The following TBL3 variants were observed in gnomAD, a reference collection of about 807,000 sequenced individuals.
TBL3 encodes transducin beta like 3.
In TBL3, 71 loss-of-function variants were observed where a neutral mutation model predicts 102.7. That is an observed-to-expected ratio of 0.69 (90% CI 0.57 to 0.84). TBL3 has a LOEUF of 0.84. Among genes scored for constraint, TBL3 ranks in the 40% least tolerant of loss-of-function variants. TBL3 has a pLI of 0.00. For missense variants in TBL3, 1,188 were observed against 1,098.5 expected (o/e 1.08, Z -1.15); for synonymous variants, 578 against 477.7 (o/e 1.21, Z -2.74).
Position 1,979,011 on chromosome 16 carries a change from C to G in TBL3, c.*326C>G, listed in dbSNP as rs1252639856. 1.3e-6 allele frequency: 2 copies of G among 1,513,698 alleles called. No homozygotes were observed. Among genetic ancestry groups the G allele is most frequent in the Admixed American group, 4.4e-5 (2 of 45,090 alleles). The allele number at this position is 1,513,698 out of a possible 1,614,324, so 93.8% of individuals were successfully genotyped here. A position where few individuals can be genotyped will look rare whatever the true frequency, so the allele number is the denominator to read the frequency against. ...CCGCCCTCCCCGCTCCTCCCCAGCC[C>G]TGGGATGGCGCGGTCCATCCCCTCA... On this transcript the variant is annotated 3_prime_UTR_variant, in exon 22 of 22. Transcript: ENST00000568546.
chr16:1,977,515 G>A lies in TBL3; in HGVS notation c.1744G>A (p.Gly582Ser), dbSNP rs111994180. The change falls in exon 17 of 22, where the codon GGT (glycine) becomes AGT (serine). Residue 582 changes from glycine to serine, a missense_variant and splice_region_variant. Transcript: ENST00000568546. ...VSRGTQLLSS[G>S]SDGLVKLWTI... ...AGCCTCTCCCCACCCCAAACCCAGC[G>A]GTTCGGATGGCCTCGTGAAGCTCTG... The A allele has an allele frequency of 1.4e-5, 22 of 1,608,030 alleles. No homozygotes were observed. The highest frequency in any genetic ancestry group is 1.2e-4 in the African/African-American group (9 of 74,930).
In TBL3 at chr16:1,972,058, G is replaced by A. The variant is rs537527645; in HGVS notation, c.-107G>A. On this transcript the variant is annotated 5_prime_UTR_variant, in exon 1 of 22. Transcript: ENST00000568546. The stretch of plus-strand genomic sequence containing the variant: ...TCGCGCGCGGTGACGCCATCGCAGC[G>A]CGCCGGGAGTGTGGCGTTCTGTGAA... The A allele has an allele frequency of 2.6e-5, 33 of 1,271,762 alleles. No homozygotes were observed. Among genetic ancestry groups the A allele is most frequent in the Middle Eastern group, 2.0e-4 (1 of 5,004 alleles). 78.8% of individuals were successfully genotyped at this position (1,271,762 alleles called of 1,614,324 possible). A position where few individuals can be genotyped will look rare whatever the true frequency, so the allele number is the denominator to read the frequency against.
chr16:1,974,317 G>C, intron 3 of TBL3, 25 bp downstream of exon 3: 2 of 1,583,448 alleles, frequency 1.3e-6, no homozygotes, highest in Non-Finnish European at 1.7e-6. Context: ...GGTGGGTGAG[G>C]GGCAAGTGGA....
At position 1,979,409 on chromosome 16, in the gene TBL3, G is replaced by T. The variant is rs1567329065; in HGVS notation, c.*724G>T. ...GCCTCGGCTAGCCTGCCCTGCCCAC[G>T]CCCGCTCCCGCGTACCTGCATAGCC... On this transcript the variant is annotated 3_prime_UTR_variant, in exon 22 of 22. Coordinates refer to ENST00000568546, the MANE Select transcript of TBL3 (RefSeq NM_006453.3). 1 of 1,603,098 alleles carries T rather than the reference G, an allele frequency of 6.2e-7. No individual in the cohort carries two copies. Among genetic ancestry groups the T allele is most frequent in the South Asian group, 1.1e-5 (1 of 90,646 alleles).
Position 1,977,182 on chromosome 16 carries a change from C to T in TBL3, c.1569C>T (p.Gly523=). The T allele has an allele frequency of 2.5e-6, 4 of 1,613,168 alleles. No individual in the cohort carries two copies. Among genetic ancestry groups the T allele is most frequent in the Non-Finnish European group, 3.4e-6 (4 of 1,179,994 alleles). The change falls in exon 15 of 22, where the codon GGC becomes GGT. Residue 523 remains glycine (G), a synonymous_variant. Coordinates refer to ENST00000568546, the MANE Select transcript of TBL3 (RefSeq NM_006453.3). Reference sequence around the variant, plus strand: ...GTGTCTTCTCAGGCCACCGGCGTGGCCTCTGGTGCGTCCAGTTCTCTCCCA... The same window carrying T: ...GTGTCTTCTCAGGCCACCGGCGTGGTCTCTGGTGCGTCCAGTTCTCTCCCA... ...LLGVFSGHRR[G]LWCVQFSPMD...
At position 1,978,163 on chromosome 16, in the gene TBL3, C is replaced by T; in HGVS notation, c.2077C>T (p.Pro693Ser). The part of the protein sequence containing the change: ...LTVIQAIRRD[P>S]EACEKLEATM... ...TTCTCCCACAGCCATCCGGAGGGAC[C>T]CTGAGGCCTGCGAGAAGCTGGAAGC... The change falls in exon 20 of 22, where the codon CCT (proline) becomes TCT (serine). Residue 693 changes from proline to serine, a missense_variant. Transcript: ENST00000568546. 6.2e-7 allele frequency: 1 copy of T among 1,612,754 alleles called. No homozygotes were observed. Among genetic ancestry groups the T allele is most frequent in the Non-Finnish European group, 8.5e-7 (1 of 1,179,866 alleles).
At position 1,981,565 on chromosome 16, in the gene TBL3, G is replaced by A. The variant is rs903858336; in HGVS notation, c.*2880G>A. 1 of 265,888 alleles carries A rather than the reference G, an allele frequency of 3.8e-6. No homozygotes were observed. The highest frequency in any genetic ancestry group is 5.6e-5 in the South Asian group (1 of 17,760). 16.5% of individuals were successfully genotyped at this position (265,888 alleles called of 1,614,324 possible). A position where few individuals can be genotyped will look rare whatever the true frequency, so the allele number is the denominator to read the frequency against. On this transcript the variant is annotated 3_prime_UTR_variant, in exon 22 of 22. Transcript: ENST00000568546. ...GGAGGAGAAGGCAGGGCTAATCAAA[G>A]CGCCACCTGTCCTGCCCACCTCTCT... is the stretch of plus-strand genomic sequence containing the variant.
rs1249851534 is a variant in TBL3 at position 1,979,673 on chromosome 16, C to A, written c.*988C>A. 1.7e-6 allele frequency: 2 copies of A among 1,180,304 alleles called. No individual in the cohort carries two copies. The highest frequency in any genetic ancestry group is 2.4e-6 in the Non-Finnish European group (2 of 845,268). 73.1% of individuals were successfully genotyped at this position (1,180,304 alleles called of 1,614,324 possible). On this transcript the variant is annotated 3_prime_UTR_variant, in exon 22 of 22. Coordinates refer to ENST00000568546, the MANE Select transcript of TBL3 (RefSeq NM_006453.3). Reference sequence around the variant, plus strand: ...CTCTAAGACCGGTTCGGGGCTTCCTCTAGGTGCGGAGACCAAGCACGGGCT... The same window carrying A: ...CTCTAAGACCGGTTCGGGGCTTCCTATAGGTGCGGAGACCAAGCACGGGCT...
rs1229618693 is a variant in TBL3 at position 1,979,456 on chromosome 16, C to T, written c.*771C>T. ...AGCCACCAGCCGCGGTCTGACGTTT[C>T]CAACACGCGCACGCGCGCCCCCGCG... On this transcript the variant is annotated 3_prime_UTR_variant, in exon 22 of 22. Transcript: ENST00000568546. The T allele has an allele frequency of 6.2e-7, 1 of 1,611,216 alleles. No homozygotes were observed. The highest frequency in any genetic ancestry group is 1.1e-5 in the South Asian group (1 of 90,946).
In TBL3 at chr16:1,981,354, C is replaced by T; in HGVS notation, c.*2669C>T. 1 of 1,426,500 alleles carries T rather than the reference C, an allele frequency of 7.0e-7. No homozygotes were observed. Among genetic ancestry groups the T allele is most frequent in the Non-Finnish European group, 9.2e-7 (1 of 1,091,112 alleles). 88.4% of individuals were successfully genotyped at this position (1,426,500 alleles called of 1,614,324 possible). A position where few individuals can be genotyped will look rare whatever the true frequency, so the allele number is the denominator to read the frequency against. On this transcript the variant is annotated 3_prime_UTR_variant, in exon 22 of 22. Coordinates refer to ENST00000568546, the MANE Select transcript of TBL3 (RefSeq NM_006453.3). ...AGCTGAGTCCTTTGCAGCTTTCTTG[C>T]TGTCCCCCAAGCCCACGATCTGGGG...
chr16:1,981,140 C>G lies in TBL3; in HGVS notation c.*2455C>G. ...TGGAGCCTCTTGATCTGCACCAGGG[C>G]TGCCCCTTGCACTGAAACTGGGTAT... is the stretch of plus-strand genomic sequence containing the variant. On this transcript the variant is annotated 3_prime_UTR_variant, in exon 22 of 22. Transcript: ENST00000568546. The G allele has an allele frequency of 2.5e-6, 4 of 1,613,568 alleles. No individual in the cohort carries two copies. The highest frequency in any genetic ancestry group is 3.4e-6 in the Non-Finnish European group (4 of 1,179,994).
chr16:1,978,523 C>A (rs1260263424), intron 21 of TBL3, 29 bp from the exon 22 acceptor site: 9 of 1,590,868 alleles, frequency 5.7e-6, no homozygotes, highest in African/African-American at 1.3e-5. Flanking sequence ...TGTGGACCAC[C>A]CCCCTGACCT....
At chr16:1,975,479 G>A (rs757955793) in intron 9 of TBL3, 41 bp downstream of exon 9, 29 of 1,607,340 alleles carry the variant, frequency 1.8e-5, no homozygotes, top group Non-Finnish European at 2.4e-5. Context: ...AGGGGCTGGG[G>A]AAGGCCTGTG....
intron 13 of TBL3, 52 bp downstream of exon 13, chr16:1,976,366 C>A: frequency 6.6e-7 from 1 of 1,519,898 alleles, no homozygotes; most frequent in Non-Finnish European, 9.0e-7. Context: ...AGGCCCAGGC[C>A]TGCCAGCAGG....
At position 1,974,201 on chromosome 16, in the gene TBL3, A is replaced by C. The variant is rs763063243; in HGVS notation, c.98A>C (p.Asp33Ala). The change falls in exon 3 of 22, where the codon GAC (aspartate) becomes GCC (alanine). Residue 33 changes from aspartate to alanine, a missense_variant. Transcript: ENST00000568546. ...PFYKGGKAQL[D>A]QTGQHLFCVC... The stretch of plus-strand genomic sequence containing the variant: ...CTGAGACCTCTCTGTCCCCAGCTGG[A>C]CCAGACTGGCCAGCACCTCTTCTGC... 2.5e-6 allele frequency: 4 copies of C among 1,587,552 alleles called. No individual in the cohort carries two copies. Among genetic ancestry groups the C allele is most frequent in the Non-Finnish European group, 3.4e-6 (4 of 1,164,946 alleles).
At position 1,978,580 on chromosome 16, in the gene TBL3, C is replaced by T. The variant is rs766141600; in HGVS notation, c.2322C>T (p.Thr774=). 18 of 1,612,232 alleles carry T rather than the reference C, an allele frequency of 1.1e-5. No individual in the cohort carries two copies. The East Asian group carries it at 3.1e-4, about 28-fold the overall frequency. ...GGCACTTTCAGCGGCTCAGCAGGAC[C>T]CTCCAGGCCGCCGCTTTCTTGGACT... ...TERHFQRLSR[T]LQAAAFLDFL... is the part of the protein sequence containing the mutation. Residue 774 remains threonine (T), a synonymous_variant, in exon 22 of 22, where the codon ACC becomes ACT. Transcript: ENST00000568546.
Position 1,974,837 on chromosome 16 carries a change from G to T in TBL3, c.454G>T (p.Gly152Cys). Residue 152 changes from glycine to cysteine, a missense_variant, in exon 6 of 22, where the codon GGT becomes TGT. Physicochemically the swap from Gly to Cys is radical, Grantham distance 159. Transcript: ENST00000568546. ...YGTHHFRGSP[G>C]VVHLVAFHPD... The stretch of plus-strand genomic sequence containing the variant: ...GACACACCACTTCCGAGGCTCGCCC[G>T]GTGTCGTGCAGTGAGTTGGAAGGTG... 6.2e-7 allele frequency: 1 copy of T among 1,613,200 alleles called. No individual in the cohort carries two copies. The highest frequency in any genetic ancestry group is 8.5e-7 in the Non-Finnish European group (1 of 1,179,972).
chr16:1,975,444 T>C lies in TBL3; in HGVS notation c.805+6T>C, dbSNP rs1429675099. 6 of 1,613,338 alleles carry C rather than the reference T, an allele frequency of 3.7e-6. No individual in the cohort carries two copies. The highest frequency in any genetic ancestry group is 1.1e-5 in the South Asian group (1 of 91,086). ...TCTGACAGCTGGCGACCAAGGTGTG[T>C]TGGGCCGGGACATGGGCAGGCGGTA... On this transcript the variant is annotated splice_donor_region_variant and intron_variant, in intron 9 of 21. Transcript: ENST00000568546.
In TBL3 at chr16:1,980,328, A is replaced by T; in HGVS notation, c.*1643A>T. On this transcript the variant is annotated 3_prime_UTR_variant, in exon 22 of 22. Coordinates refer to ENST00000568546, the MANE Select transcript of TBL3 (RefSeq NM_006453.3). The stretch of plus-strand genomic sequence containing the variant: ...CACCCTGGACCTCTCCCAGCTCCAA[A>T]CGCCGCTGCATGCTGGGAGTTTGGG... 1 of 1,579,700 alleles carries T rather than the reference A, an allele frequency of 6.3e-7. No individual in the cohort carries two copies. Among genetic ancestry groups the T allele is most frequent in the Non-Finnish European group, 8.6e-7 (1 of 1,167,732 alleles).
Sources: allele counts gnomAD v4.1 joint callset, GRCh38; gene constraint gnomAD v4.1.1; transcripts MANE v1.5; gene names NCBI Gene and HGNC (gene_info 2026-07-23, HGNC 2026-07-21).